CDH9: variants seen among roughly 807,000 people sequenced by gnomAD.
The protein encoded by CDH9 is cadherin 9.
CDH9 carries 28 observed loss-of-function variants against 70.9 expected under a neutral mutation model. That is an observed-to-expected ratio of 0.40 (90% CI 0.29 to 0.54). The LOEUF (loss-of-function observed/expected upper bound fraction) is 0.54, where lower values mean the gene tolerates loss of function less well. CDH9 is among the 20% of genes least tolerant of loss of function. CDH9 has a pLI of 0.59. For synonymous variants in CDH9, 409 were observed against 343.1 expected (o/e 1.19, Z -2.12); for missense variants, 874 against 984.4 (o/e 0.89, Z 1.50).
At chr5:27,003,425 A>G (rs979858464) in intron 1 of CDH9, among the ~76,000 whole-genome samples, 3 of 152,076 alleles carry the variant, frequency 2.0e-5, no homozygotes, top group Non-Finnish European at 4.4e-5. Context: ...TCCAAAAAGG[A>G]CAGTGTAGAA....
intron 2 of CDH9, among the ~76,000 whole-genome samples, chr5:26,937,571 A>T (rs1741582037): frequency 6.6e-6 from 1 of 152,284 alleles, no homozygotes; most frequent in South Asian, 2.1e-4. Context: ...AACTGGAATC[A>T]AACAAGATGT....
chr5:26,935,515 G>T (rs865876731), intron 2 of CDH9, among the ~76,000 whole-genome samples: 1 of 152,184 alleles, frequency 6.6e-6, no homozygotes, highest in African/African-American at 2.4e-5. Flanking sequence ...ACAAACTTCT[G>T]GATCTAATCA....
intron 7 of CDH9, among the ~76,000 whole-genome samples, chr5:26,895,398 A>G (rs1158416182): frequency 1.3e-5 from 2 of 152,034 alleles, no homozygotes; most frequent in East Asian, 1.9e-4. Context: ...GAGAAGCACC[A>G]CTATACAGGA....
At chr5:26,893,496 C>T (rs912570379) in intron 7 of CDH9, among the ~76,000 whole-genome samples, 1 of 151,876 alleles carries the variant, frequency 6.6e-6, no homozygotes, top group Non-Finnish European at 1.5e-5. Context: ...TTTCAATAAT[C>T]GTTATTGTAA....
At chr5:26,928,234 T>C (rs1403196039) in intron 2 of CDH9, among the ~76,000 whole-genome samples, 1 of 151,988 alleles carries the variant, frequency 6.6e-6, no homozygotes, top group Non-Finnish European at 1.5e-5. Context: ...TGAAGAAACT[T>C]ATCCCATTTA....
At chr5:26,884,999 T>A (rs757545270) in intron 11 of CDH9, among the ~76,000 whole-genome samples, 2 of 152,194 alleles carry the variant, frequency 1.3e-5, no homozygotes, top group Non-Finnish European at 2.9e-5. Context: ...TAATTTGTTA[T>A]GTCACACCAA....
At chr5:26,999,009 G>A (rs1286690791) in intron 1 of CDH9, among the ~76,000 whole-genome samples, 3 of 152,120 alleles carry the variant, frequency 2.0e-5, no homozygotes, top group Non-Finnish European at 2.9e-5. Context: ...CACTTTGAGA[G>A]GCTGAGGTGG....
chr5:26,900,488 C>T (rs777116658), intron 7 of CDH9, among the ~76,000 whole-genome samples: 3 of 152,026 alleles, frequency 2.0e-5, no homozygotes, highest in Non-Finnish European at 4.4e-5. Context: ...GAAGGGGCAT[C>T]ATGCCTCTTG....
At position 26,967,420 on chromosome 5, in the gene CDH9, C is replaced by A. The variant is rs149953366; in HGVS notation, c.228+20686G>T. 2.9e-3 allele frequency among the ~76,000 whole-genome samples: 440 copies of A among 152,098 alleles called. 3 individuals carry two copies. Among genetic ancestry groups the A allele is most frequent in the African/African-American group, 0.01 (417 of 41,490 alleles). On this transcript the variant is annotated intron_variant, in intron 2 of 11. Transcript: ENST00000231021. ...CTGTTGGACTTCTGCCTGGATTACT[C>A]CTCTGGAAATTAAAATTATATCAAT...
At chr5:26,961,651 CAAAAT>C (rs1411522582) in intron 2 of CDH9, among the ~76,000 whole-genome samples, 1 of 151,878 alleles carries the variant, frequency 6.6e-6, no homozygotes, top group East Asian at 1.9e-4. Context: ...AATAAATAAA[CAAAAT>C]AAAAAAACTA....
intron 2 of CDH9, among the ~76,000 whole-genome samples, chr5:26,983,175 G>C (rs145851560): frequency 6.6e-6 from 1 of 152,144 alleles, no homozygotes; most frequent in African/African-American, 2.4e-5. Context: ...GGGGTCTGCG[G>C]ATGTGATGAA....
At chr5:26,952,458 CAAAAAAAA>C (rs766973787) in intron 2 of CDH9, among the ~76,000 whole-genome samples, 1 of 9,960 alleles carries the variant, frequency 1.0e-4, no homozygotes, top group Admixed American at 1.8e-3. Context: ...ACTAAAAATA[CAAAAAAAA>C]AAAAAAAAAA....
chr5:26,899,646 G>C (rs1283034245), intron 7 of CDH9, among the ~76,000 whole-genome samples: 2 of 151,662 alleles, frequency 1.3e-5, no homozygotes, highest in African/African-American at 4.8e-5. Context: ...GGGGCCTGTA[G>C]AGGGTAAATG....
rs554797145 is a variant in CDH9, at chr5:26,963,748, C to T, written c.228+24358G>A. Among the ~76,000 whole-genome samples, 15 of 152,060 alleles carry T rather than the reference C, an allele frequency of 9.9e-5. No individual in the cohort carries two copies. In the South Asian group the frequency reaches 3.1e-3, roughly 32 times the overall value. Reference sequence around the variant, plus strand: ...TTGGCCTTCTTTAAAAAAAAAGATACATCATTTCAATGGATATTATGATGT... The same window carrying T: ...TTGGCCTTCTTTAAAAAAAAAGATATATCATTTCAATGGATATTATGATGT... On this transcript the variant is annotated intron_variant, in intron 2 of 11. Coordinates refer to ENST00000231021, the MANE Select transcript of CDH9 (RefSeq NM_016279.4).
chr5:27,023,076 A>T (rs1208052047), intron 1 of CDH9, among the ~76,000 whole-genome samples: 1 of 152,018 alleles, frequency 6.6e-6, no homozygotes. Context: ...TCTTTCCATC[A>T]TTTTAAAAAT....
intron 1 of CDH9, among the ~76,000 whole-genome samples, chr5:27,030,394 G>A (rs1743291834): frequency 6.6e-6 from 1 of 151,628 alleles, no homozygotes; most frequent in Non-Finnish European, 1.5e-5. Flanking sequence ...ATGAATGCCA[G>A]GTTAAAAAGG....
intron 3 of CDH9, among the ~76,000 whole-genome samples, chr5:26,914,729 A>ATT (rs1741118648): frequency 6.6e-6 from 1 of 152,046 alleles, no homozygotes; most frequent in Non-Finnish European, 1.5e-5. Context: ...ATTATTTTAG[A>ATT]CTGAAACATA....
rs1364562897 is a variant in CDH9, at chr5:26,880,873, T to G, written c.*263A>C. On this transcript the variant is annotated 3_prime_UTR_variant, in exon 12 of 12. Transcript: ENST00000231021. Reference sequence around the variant, plus strand: ...GGCACAAAAAGCCTTTTACTTATTTTTATTGATTATTGATGTGATATATTT... The same window carrying G: ...GGCACAAAAAGCCTTTTACTTATTTGTATTGATTATTGATGTGATATATTT... The G allele has an allele frequency of 7.2e-6, 2 of 277,148 alleles. No homozygotes were observed. Among genetic ancestry groups the G allele is most frequent in the Non-Finnish European group, 1.3e-5 (2 of 149,090 alleles). 17.2% of individuals were successfully genotyped at this position (277,148 alleles called of 1,614,324 possible).
intron 2 of CDH9, among the ~76,000 whole-genome samples, chr5:26,980,869 T>TAA (rs1018375213): frequency 6.6e-6 from 1 of 152,076 alleles, no homozygotes; most frequent in African/African-American, 2.4e-5. Flanking sequence ...TTCTTTAAGA[T>TAA]AAGGACCAAT....
Sources: gnomAD v4.1 joint callset for allele counts (sites outside exome capture counted in the v4.1 genomes callset) on GRCh38, gnomAD v4.1.1 for gene constraint, MANE v1.5 for transcripts, NCBI Gene and HGNC (gene_info 2026-07-23, HGNC 2026-07-21) for gene names.